Variants in GRIP1 observed in about 807,000 individuals in gnomAD.
GRIP1 encodes glutamate receptor-interacting protein 1.
In GRIP1, 45 loss-of-function variants were observed where a neutral mutation model predicts 129.9. The ratio of observed to expected loss-of-function variants is 0.35; its 90% CI spans 0.27 to 0.44. GRIP1 has a LOEUF of 0.44. Among genes scored for constraint, GRIP1 ranks in the 20% least tolerant of loss-of-function variants. The pLI, the probability that GRIP1 is intolerant of heterozygous loss-of-function variation, is 1.00. For missense variants in GRIP1, 1,196 were observed against 1,396.8 expected, an observed-to-expected ratio of 0.86 and a Z score of 2.29; for synonymous variants, 530 against 520.8, an observed-to-expected ratio of 1.02 and a Z score of -0.24.
chr12:66,405,924 T>C (rs1441568323), intron 16 of GRIP1, among the ~76,000 whole-genome samples: 1 of 152,206 alleles, frequency 6.6e-6, no homozygotes, highest in Non-Finnish European at 1.5e-5. Context: ...AATGTAAAAT[T>C]AGGTAAAAAA....
intron 13 of GRIP1, among the ~76,000 whole-genome samples, chr12:66,442,200 G>A (rs557905189): frequency 1.6e-4 from 24 of 152,048 alleles, no homozygotes; most frequent in Non-Finnish European, 2.1e-4. Flanking sequence ...TGCATTAGTC[G>A]GTCTCTCTAA....
At chr12:66,740,216 C>T (rs1340130826) in intron 1 of GRIP1, among the ~76,000 whole-genome samples, 13 of 152,084 alleles carry the variant, frequency 8.5e-5, no homozygotes, top group African/African-American at 2.9e-4. Flanking sequence ...CAAAAATCAC[C>T]GATTTTTCAT....
At chr12:66,902,019 T>C (rs541092323) in intron 1 of GRIP1, among the ~76,000 whole-genome samples, 3 of 152,320 alleles carry the variant, frequency 2.0e-5, no homozygotes, top group East Asian at 1.9e-4. Flanking sequence ...CAGTCAGAAA[T>C]ACTTGGTGGA....
intron 2 of GRIP1, among the ~76,000 whole-genome samples, chr12:66,559,141 A>G (rs942374729): frequency 1.3e-5 from 2 of 151,718 alleles, no homozygotes; most frequent in African/African-American, 4.9e-5. Context: ...TCATGATAAA[A>G]AAAAAAAAAC....
At chr12:66,422,047 G>A (rs951792967) in intron 14 of GRIP1, among the ~76,000 whole-genome samples, 1 of 152,024 alleles carries the variant, frequency 6.6e-6, no homozygotes, top group African/African-American at 2.4e-5. Context: ...TTTCCTTTTA[G>A]AGATCATTAA....
intron 7 of GRIP1, among the ~76,000 whole-genome samples, chr12:66,500,240 C>T (rs549123519): frequency 4.7e-4 from 71 of 152,262 alleles, no homozygotes; most frequent in African/African-American, 1.6e-3. Flanking sequence ...AGACTTAGAA[C>T]GGTCACACAT....
chr12:66,912,436 G>A (rs1287660445), intron 1 of GRIP1, among the ~76,000 whole-genome samples: 2 of 152,088 alleles, frequency 1.3e-5, no homozygotes, highest in African/African-American at 4.8e-5. Flanking sequence ...GATGTTTGAT[G>A]TGTATTAAAT....
intron 15 of GRIP1, among the ~76,000 whole-genome samples, chr12:66,412,305 A>G (rs920319188): frequency 5.2e-5 from 8 of 152,388 alleles, no homozygotes; most frequent in Middle Eastern, 3.4e-3. Context: ...TCTACAAGCC[A>G]GAAGAGTTTG....
At chr12:67,067,615 G>C (rs1189624798) in intron 1 of GRIP1, among the ~76,000 whole-genome samples, 1 of 152,160 alleles carries the variant, frequency 6.6e-6, no homozygotes, top group African/African-American at 2.4e-5. Flanking sequence ...TATCTAATAA[G>C]GAGGTGCTTA....
chr12:66,626,171 C>T (rs896227833), intron 1 of GRIP1, among the ~76,000 whole-genome samples: 8 of 151,846 alleles, frequency 5.3e-5, no homozygotes, highest in Non-Finnish European at 1.2e-4. Context: ...ATCAAAAATA[C>T]AAAAAACAAA....
chr12:66,742,938 T>A (rs1359929280), intron 1 of GRIP1, among the ~76,000 whole-genome samples: 1 of 152,102 alleles, frequency 6.6e-6, no homozygotes, highest in East Asian at 1.9e-4. Context: ...GAACAGTACA[T>A]ACCTCTCTGT....
intron 7 of GRIP1, among the ~76,000 whole-genome samples, chr12:66,465,693 T>C (rs1040117980): frequency 6.6e-6 from 1 of 152,244 alleles, no homozygotes; most frequent in Non-Finnish European, 1.5e-5. Flanking sequence ...TGGGATAATA[T>C]CTTATGTATC....
chr12:66,545,700 G>C (rs2061927921), intron 2 of GRIP1, among the ~76,000 whole-genome samples: 1 of 152,088 alleles, frequency 6.6e-6, no homozygotes, highest in South Asian at 2.1e-4. Context: ...TGAACAAAAT[G>C]GATACTATTC....
upstream of GRIP1, among the ~76,000 whole-genome samples, chr12:67,069,338 C>G (rs933059829): frequency 1.4e-5 from 2 of 138,314 alleles, no homozygotes; most frequent in African/African-American, 5.3e-5. Context: ...GCGGCCGGGC[C>G]GGGCCGGGCC....
chr12:66,873,049 A>C (rs1486706704), intron 1 of GRIP1, among the ~76,000 whole-genome samples: 1 of 152,042 alleles, frequency 6.6e-6, no homozygotes, highest in African/African-American at 2.4e-5. Flanking sequence ...GGCCTACTCA[A>C]TAGAGTACCT....
intron 14 of GRIP1, among the ~76,000 whole-genome samples, chr12:66,431,311 C>T (rs561531497): frequency 6.6e-5 from 10 of 152,122 alleles, no homozygotes; most frequent in African/African-American, 2.4e-4. Context: ...CTCTAAAATC[C>T]CATTCCATCT....
At chr12:66,863,697 C>T (rs1041043350) in intron 1 of GRIP1, among the ~76,000 whole-genome samples, 10 of 152,106 alleles carry the variant, frequency 6.6e-5, no homozygotes, top group Admixed American at 6.6e-4. Flanking sequence ...GCAGAAGATG[C>T]AGTGGGAATA....
At chr12:66,873,361 C>A (rs2040329367) in intron 1 of GRIP1, among the ~76,000 whole-genome samples, 1 of 152,046 alleles carries the variant, frequency 6.6e-6, no homozygotes, top group Non-Finnish European at 1.5e-5. Flanking sequence ...TTCCATCCAT[C>A]TTCGGAAAAT....
chr12:66,571,894 T>C (rs889823797), intron 2 of GRIP1, among the ~76,000 whole-genome samples: 2 of 152,174 alleles, frequency 1.3e-5, no homozygotes, highest in African/African-American at 4.8e-5. Flanking sequence ...GAGGGTGTAT[T>C]TGAGTGTTTG....
Sources: gnomAD v4.1 joint callset for allele counts (sites outside exome capture counted in the v4.1 genomes callset) on GRCh38, gnomAD v4.1.1 for gene constraint, MANE v1.5 for transcripts, NCBI Gene and HGNC (gene_info 2026-07-23, HGNC 2026-07-21) for gene names.